The following CMSS1 variants were observed in gnomAD, a reference collection of about 807,000 sequenced individuals.
The protein encoded by CMSS1 is protein CMSS1.
Under a neutral mutation model 43.5 loss-of-function variants are expected in CMSS1, and 33 were observed. The observed-to-expected ratio is 0.76, with a 90% CI of 0.57 to 1.01. The LOEUF (loss-of-function observed/expected upper bound fraction) is 1.01, where lower values mean the gene tolerates loss of function less well. CMSS1 is among the 50% of genes least tolerant of loss of function. The pLI is 0.00. For synonymous variants in CMSS1, 115 were observed against 117.2 expected (o/e 0.98, Z 0.12); for missense variants, 313 against 326.4 (o/e 0.96, Z 0.32).
intron 1 of CMSS1, among the ~76,000 whole-genome samples, chr3:100,001,680 C>T (rs1367265719): frequency 6.6e-6 from 1 of 152,136 alleles, no homozygotes; most frequent in Non-Finnish European, 1.5e-5. Flanking sequence ...TCTCTTCTTT[C>T]CTCTCCCAAA....
intron 1 of CMSS1, among the ~76,000 whole-genome samples, chr3:99,995,182 G>A (rs1295617016): frequency 6.6e-6 from 1 of 152,166 alleles, no homozygotes; most frequent in Non-Finnish European, 1.5e-5. Flanking sequence ...TACAATGTGG[G>A]TACAGGTATT....
intron 1 of CMSS1, among the ~76,000 whole-genome samples, chr3:100,124,449 G>A (rs2066646731): frequency 6.6e-6 from 1 of 152,150 alleles, no homozygotes; most frequent in African/African-American, 2.4e-5. Flanking sequence ...AGATTTAGGG[G>A]CAGAAATGAG....
chr3:100,081,889 G>A (rs938563079), intron 1 of CMSS1, among the ~76,000 whole-genome samples: 9 of 152,096 alleles, frequency 5.9e-5, no homozygotes, highest in Non-Finnish European at 1.0e-4. Flanking sequence ...AGCACCCTCC[G>A]AGTTGTGACA....
chr3:99,925,200 A>G (rs1339552744), intron 1 of CMSS1, among the ~76,000 whole-genome samples: 6 of 152,232 alleles, frequency 3.9e-5, no homozygotes, highest in African/African-American at 1.4e-4. Context: ...TTCCATTAAA[A>G]TAGATCTATG....
chr3:99,849,846 G>T (rs1231601297), intron 1 of CMSS1: 2 of 1,610,722 alleles, frequency 1.2e-6, no homozygotes, highest in South Asian at 2.2e-5. Flanking sequence ...ATTTCCCAGA[G>T]TCTTGATTTA....
intron 1 of CMSS1, among the ~76,000 whole-genome samples, chr3:100,052,372 G>A (rs2065388878): frequency 1.3e-5 from 2 of 152,176 alleles, no homozygotes; most frequent in African/African-American, 2.4e-5. Flanking sequence ...AATTCCAGGG[G>A]GAACTTTTGT....
At chr3:100,018,728 C>A (rs929578936) in intron 1 of CMSS1, among the ~76,000 whole-genome samples, 2 of 92,816 alleles carry the variant, frequency 2.2e-5, no homozygotes, top group Non-Finnish European at 2.2e-5. Flanking sequence ...TAAAAGTTTC[C>A]GCATAGCAAA....
intron 1 of CMSS1, among the ~76,000 whole-genome samples, chr3:99,974,168 A>T (rs1016423582): frequency 2.0e-5 from 3 of 152,224 alleles, no homozygotes; most frequent in Non-Finnish European, 2.9e-5. Context: ...GGACAATATG[A>T]GTATTTCCAT....
Position 100,180,305 on chromosome 3 carries a change from A to G in CMSS1, c.*1917A>G, listed in dbSNP as rs1189555895. ...CTGCAGTGAGCTTGAATTTCTCCCC[A>G]GAAAATGGCTTTTCTTTTCTACCAC... On this transcript the variant is annotated 3_prime_UTR_variant, in exon 10 of 10. Transcript: ENST00000421999. 6.6e-6 allele frequency: 1 copy of G among 152,248 alleles called. No homozygotes were observed. The highest frequency in any genetic ancestry group is 1.5e-5 in the Non-Finnish European group (1 of 68,052). The allele number at this position is 152,248 out of a possible 1,614,324, so 9.4% of individuals were successfully genotyped here. A position where few individuals can be genotyped will look rare whatever the true frequency, so the allele number is the denominator to read the frequency against.
chr3:100,141,304 T>TA (rs1473166822), intron 1 of CMSS1, among the ~76,000 whole-genome samples: 1 of 152,144 alleles, frequency 6.6e-6, no homozygotes, highest in Non-Finnish European at 1.5e-5. Flanking sequence ...GCAAACCACA[T>TA]AAAAATCCCA....
At chr3:99,900,419 C>A (rs1376693541) in intron 1 of CMSS1, among the ~76,000 whole-genome samples, 2 of 152,114 alleles carry the variant, frequency 1.3e-5, no homozygotes. Context: ...TAAGGGTTAT[C>A]CCCATTGAAT....
chr3:99,973,720 A>G (rs1043011596), intron 1 of CMSS1, among the ~76,000 whole-genome samples: 1 of 152,160 alleles, frequency 6.6e-6, no homozygotes, highest in Non-Finnish European at 1.5e-5. Context: ...GCACTCAAAA[A>G]CCTATTTAAG....
chr3:99,962,167 A>G (rs573101622), intron 1 of CMSS1, among the ~76,000 whole-genome samples: 2 of 152,228 alleles, frequency 1.3e-5, no homozygotes, highest in East Asian at 1.9e-4. Context: ...AGGTGAGGGG[A>G]TGCGTGGTGA....
chr3:99,963,906 G>A lies in CMSS1; in HGVS notation c.64+145863G>A, dbSNP rs572541385. 1.1e-4 allele frequency among the ~76,000 whole-genome samples: 16 copies of A among 152,132 alleles called. No individual in the cohort carries two copies. The South Asian group carries it at 1.7e-3, about 16-fold the overall frequency. On this transcript the variant is annotated intron_variant, in intron 1 of 9. Coordinates refer to ENST00000421999, the MANE Select transcript of CMSS1 (RefSeq NM_032359.4). ...CCTGGGATTACAGGTGTGAGCCACCGCGCCCAGCCACATCCATTTGTTAAT... is the reference window on the plus strand; with the variant it reads ...CCTGGGATTACAGGTGTGAGCCACCACGCCCAGCCACATCCATTTGTTAAT...
intron 1 of CMSS1, chr3:99,931,096 C>A (rs757721173): frequency 2.3e-5 from 31 of 1,320,432 alleles, no homozygotes; most frequent in Non-Finnish European, 3.0e-5. Flanking sequence ...GTACCTATTA[C>A]TGCTTTAACA....
At chr3:100,099,765 A>G (rs1262577058) in intron 1 of CMSS1, among the ~76,000 whole-genome samples, 1 of 152,210 alleles carries the variant, frequency 6.6e-6, no homozygotes, top group Admixed American at 6.6e-5. Flanking sequence ...TATGTTCTGT[A>G]GCAGTGGGAA....
At chr3:100,102,596 A>G (rs947010963) in intron 1 of CMSS1, among the ~76,000 whole-genome samples, 1 of 151,918 alleles carries the variant, frequency 6.6e-6, no homozygotes, top group African/African-American at 2.4e-5. Context: ...TCCTACTTCC[A>G]TTACTAAACT....
intron 1 of CMSS1, among the ~76,000 whole-genome samples, chr3:99,942,606 C>T (rs532634662): frequency 6.6e-6 from 1 of 152,016 alleles, no homozygotes; most frequent in African/African-American, 2.4e-5. Flanking sequence ...CCGAGGCGGG[C>T]GGATCACCTG....
rs148061492 is a variant in CMSS1 at position 100,027,422 on chromosome 3, G to A, written c.65-119551G>A. Among the ~76,000 whole-genome samples, 373 of 152,194 alleles carry A rather than the reference G, an allele frequency of 2.5e-3. 1 individual carries two copies. The highest frequency in any genetic ancestry group is 8.3e-3 in the African/African-American group (346 of 41,522). On this transcript the variant is annotated intron_variant, in intron 1 of 9. Coordinates refer to ENST00000421999, the MANE Select transcript of CMSS1 (RefSeq NM_032359.4). ...AAACTCTTCAATAGGCCAAACCTGGGCTGTACTTCTTTTGGCCTAGAGTCA... is the reference window on the plus strand; with the variant it reads ...AAACTCTTCAATAGGCCAAACCTGGACTGTACTTCTTTTGGCCTAGAGTCA...
Sources: gnomAD v4.1 joint callset for allele counts (sites outside exome capture counted in the v4.1 genomes callset) on GRCh38, gnomAD v4.1.1 for gene constraint, MANE v1.5 for transcripts, NCBI Gene and HGNC (gene_info 2026-07-23, HGNC 2026-07-21) for gene names.